Variants in PKD1L3 observed in about 807,000 individuals in gnomAD.
The protein encoded by PKD1L3 is polycystin 1 like 3, transient receptor potential channel interacting.
PKD1L3 carries 239 observed loss-of-function variants against 184.1 expected under a neutral mutation model. The observed-to-expected ratio is 1.30, with a 90% CI of 1.17 to 1.45. The LOEUF (loss-of-function observed/expected upper bound fraction) is 1.45. Ranked by LOEUF, PKD1L3 falls within the 40% of genes most tolerant of loss-of-function variation. PKD1L3 has a pLI of 0.00. For synonymous variants in PKD1L3, 996 were observed against 778.8 expected (o/e 1.28, Z -4.64); for missense variants, 2,660 against 2,067.2 (o/e 1.29, Z -5.56).
At chr16:71,975,612 G>A (rs1450943621) in intron 11 of PKD1L3, among the ~76,000 whole-genome samples, 1 of 152,088 alleles carries the variant, frequency 6.6e-6, no homozygotes, top group Non-Finnish European at 1.5e-5. Flanking sequence ...ATGTTATTAT[G>A]AAAATCTTCA....
chr16:71,947,270 T>C (rs112221759), intron 22 of PKD1L3, among the ~76,000 whole-genome samples: 91 of 151,808 alleles, frequency 6.0e-4, no homozygotes, highest in African/African-American at 1.9e-3. Flanking sequence ...AAAAATAAAA[T>C]TAAATAAAAT....
chr16:71,999,678 T>G lies in PKD1L3; in HGVS notation c.295+6A>C. 6.5e-7 allele frequency: 1 copy of G among 1,534,848 alleles called. No homozygotes were observed. Among genetic ancestry groups the G allele is most frequent in the Non-Finnish European group, 8.8e-7 (1 of 1,136,608 alleles). On this transcript the variant is annotated splice_donor_region_variant and intron_variant, in intron 1 of 29. Coordinates refer to ENST00000620267, the MANE Select transcript of PKD1L3 (RefSeq NM_181536.2). ...CCTTCATAAACACTGAACCCCAGGG[T>G]CTTACCTGGGTATTTGTTGTCTTGA...
intron 18 of PKD1L3, 34 bp from the exon 19 acceptor site, chr16:71,951,778 G>A: frequency 1.3e-6 from 2 of 1,523,674 alleles, no homozygotes; most frequent in Non-Finnish European, 1.8e-6. Flanking sequence ...AAATCAGCCT[G>A]TTTTTCATTA....
At position 71,937,389 on chromosome 16, in the gene PKD1L3, C is replaced by T. The variant is rs1342567961; in HGVS notation, c.4355G>A (p.Ser1452Asn). ...GAFFTSLRLE[S>N]FTSLQMSKKG... ...CTTTGACATCTGAAGGGAAGTGAAG[C>T]TTTCCAGTCTCAAAGAGGTGAAGAA... Residue 1452 changes from serine to asparagine, a missense_variant, in exon 25 of 30, where the codon AGC (serine) becomes AAC (asparagine). Physicochemically the swap from Ser to Asn is conservative, Grantham distance 46. Transcript: ENST00000620267. The T allele has an allele frequency of 6.4e-7, 1 of 1,551,662 alleles. No homozygotes were observed. Among genetic ancestry groups the T allele is most frequent in the Admixed American group, 2.0e-5 (1 of 51,000 alleles).
chr16:71,954,345 T>G, intron 16 of PKD1L3, 44 bp from the exon 17 acceptor site: 1 of 1,423,724 alleles, frequency 7.0e-7, no homozygotes, highest in Non-Finnish European at 9.4e-7. Context: ...GATTTTATTC[T>G]GAAAGTGCAC....
chr16:71,953,794 C>T (rs956287670), intron 17 of PKD1L3, among the ~76,000 whole-genome samples: 4 of 152,228 alleles, frequency 2.6e-5, no homozygotes, highest in South Asian at 2.1e-4. Flanking sequence ...GTCCTCCCCC[C>T]GCCCCAACAC....
chr16:71,980,200 T>C, intron 7 of PKD1L3, 66 bp from the exon 8 acceptor site: 1 of 1,502,560 alleles, frequency 6.7e-7, no homozygotes, highest in Non-Finnish European at 9.0e-7. Context: ...TAAAATAATG[T>C]TTTGGAGAAG....
At chr16:71,938,695 C>A (rs2038262195) in intron 24 of PKD1L3, among the ~76,000 whole-genome samples, 2 of 152,230 alleles carry the variant, frequency 1.3e-5, no homozygotes, top group Admixed American at 6.5e-5. Flanking sequence ...GATGACCTGC[C>A]TGCAGATAGG....
rs763063535 is a variant in PKD1L3, at chr16:71,978,259, A to G, written c.1523T>C (p.Ile508Thr). The change falls in exon 10 of 30, where the codon ATT becomes ACT. Residue 508 changes from isoleucine to threonine, a missense_variant. Coordinates refer to ENST00000620267, the MANE Select transcript of PKD1L3 (RefSeq NM_181536.2). ...TCCCTAAGAATCAGTTCCTACCTCA[A>G]TGTCCTCCATTAAATCATGGACTTG... Reference protein sequence around the residue: ...LLQVHDLMEDIEIMLWRNVSL... With the variant: ...LLQVHDLMEDTEIMLWRNVSL... The G allele has an allele frequency of 1.3e-6, 2 of 1,548,862 alleles. No individual in the cohort carries two copies. Among genetic ancestry groups the G allele is most frequent in the Non-Finnish European group, 8.7e-7 (1 of 1,145,144 alleles).
At chr16:71,934,492 G>A (rs1170129341) in intron 26 of PKD1L3, among the ~76,000 whole-genome samples, 1 of 152,162 alleles carries the variant, frequency 6.6e-6, no homozygotes, top group Admixed American at 6.5e-5. Flanking sequence ...CCAGAGAGAG[G>A]AGCCATGCTG....
chr16:71,971,546 G>A (rs2039709041), intron 12 of PKD1L3, among the ~76,000 whole-genome samples: 1 of 152,160 alleles, frequency 6.6e-6, no homozygotes, highest in Admixed American at 6.6e-5. Flanking sequence ...GTGCTTCAAG[G>A]AGGTGGGAAA....
chr16:71,969,874 C>A lies in PKD1L3; in HGVS notation c.2184+1G>T, dbSNP rs2039644021. ...ATCTGTTGAAATCAAAGTCTCATTA[C>A]CTTCTGCATATCTGCTTGATCCTTT... On this transcript the variant is annotated splice_donor_variant, in intron 13 of 29. Coordinates refer to ENST00000620267, the MANE Select transcript of PKD1L3 (RefSeq NM_181536.2). LOFTEE classifies it high-confidence loss of function. The A allele has an allele frequency of 6.5e-7, 1 of 1,543,522 alleles. No homozygotes were observed. Among genetic ancestry groups the A allele is most frequent in the South Asian group, 1.2e-5 (1 of 83,640 alleles).
rs2040910556 is a variant in PKD1L3, at chr16:71,999,887, T to A, written c.92A>T (p.Gln31Leu). ...SELNSPAPHG[Q>L]NNCYQLNRFQ... ...TCTGTTAAGCTGGTAACAATTATTT[T>A]GCCCATGTGGTGCTGGGCTGTTTAG... The change falls in exon 1 of 30, where the codon CAA becomes CTA. Residue 31 changes from glutamine to leucine, a missense_variant. Transcript: ENST00000620267. The A allele has an allele frequency of 6.4e-7, 1 of 1,551,706 alleles. No individual in the cohort carries two copies. The highest frequency in any genetic ancestry group is 1.4e-5 in the African/African-American group (1 of 73,060).
In PKD1L3 at chr16:71,979,956, CTGAAAG is replaced by C. The variant is rs777745974; in HGVS notation, c.1271+45_1272-45del. 21 of 1,549,466 alleles carry C rather than the reference CTGAAAG, an allele frequency of 1.4e-5. No individual in the cohort carries two copies. In the African/African-American group the frequency reaches 2.9e-4, roughly 21 times the overall value. On this transcript the variant is annotated intron_variant, in intron 8 of 29. Coordinates refer to ENST00000620267, the MANE Select transcript of PKD1L3 (RefSeq NM_181536.2). ...ATGGAAGTCAATTTTTGTGTGTCCT[CTGAAAG>C]TGAAAAACACAGTGAAACTCTCCCC... is the stretch of plus-strand genomic sequence containing the variant.
chr16:71,935,836 C>T (rs1318698994), intron 25 of PKD1L3, among the ~76,000 whole-genome samples: 1 of 152,220 alleles, frequency 6.6e-6, no homozygotes, highest in Non-Finnish European at 1.5e-5. Flanking sequence ...GTTGCCCAGG[C>T]TGGAGTGCAG....
rs541849562 is a variant in PKD1L3 at position 71,930,409 on chromosome 16, A to C, written c.4927-226T>G. On this transcript the variant is annotated intron_variant, in intron 28 of 29. Transcript: ENST00000620267. ...AGATAATTGTGACTGCAGGGCTTTCACAAGAAAACAGGTGAGTTGCAGTGG... is the reference window on the plus strand; with the variant it reads ...AGATAATTGTGACTGCAGGGCTTTCCCAAGAAAACAGGTGAGTTGCAGTGG... 1.1e-5 allele frequency: 4 copies of C among 362,836 alleles called. No individual in the cohort carries two copies. In the East Asian group the frequency reaches 1.7e-4, roughly 15 times the overall value. The allele number at this position is 362,836 out of a possible 1,614,324, so 22.5% of individuals were successfully genotyped here.
rs530205087 is a variant in PKD1L3, at chr16:71,965,712, C to T, written c.2465+1425G>A. On this transcript the variant is annotated intron_variant, in intron 15 of 29. Transcript: ENST00000620267. ...GGGGTGACAGGCATTTACCACCATG[C>T]CCGGCTAATTTTTGTATTTTTAGTA... is the stretch of plus-strand genomic sequence containing the variant. Among the ~76,000 whole-genome samples, 4 of 152,188 alleles carry T rather than the reference C, an allele frequency of 2.6e-5. No individual in the cohort carries two copies. The South Asian group carries it at 8.3e-4, about 32-fold the overall frequency.
In PKD1L3 at chr16:71,970,027, C is replaced by T. The variant is rs139878577; in HGVS notation, c.2032G>A (p.Val678Met). 299 of 1,551,618 alleles carry T rather than the reference C, an allele frequency of 1.9e-4. No homozygotes were observed. The highest frequency in any genetic ancestry group is 1.7e-3 in the Middle Eastern group (10 of 5,992). ...TCTTCAACATTCACGGTCCTGGGCA[C>T]GACAAAGAAGTCGCTGGCAAAGAAG... ...LTFFASDFFV[V>M]PRTVNVEDTI... The change falls in exon 13 of 30, where the codon GTG (valine) becomes ATG (methionine). Residue 678 changes from valine (V) to methionine (M), a missense_variant. Physicochemically the swap from Val to Met is conservative, Grantham distance 21. Coordinates refer to ENST00000620267, the MANE Select transcript of PKD1L3 (RefSeq NM_181536.2).
chr16:71,959,537 TA>T (rs1170767893), intron 16 of PKD1L3, among the ~76,000 whole-genome samples: 1 of 152,162 alleles, frequency 6.6e-6, no homozygotes, highest in Non-Finnish European at 1.5e-5. Flanking sequence ...TTTGTGCATC[TA>T]AAAACAAAAT....
Sources: allele counts gnomAD v4.1 joint callset (sites outside exome capture counted in the v4.1 genomes callset), GRCh38; gene constraint gnomAD v4.1.1; transcripts MANE v1.5; gene names NCBI Gene and HGNC (gene_info 2026-07-23, HGNC 2026-07-21).